NRXN1: variants seen among roughly 807,000 people sequenced by gnomAD.
NRXN1 encodes neurexin-1.
In NRXN1, 39 loss-of-function variants were observed where a neutral mutation model predicts 150.9. The observed-to-expected ratio is 0.26, with a 90% CI of 0.20 to 0.34. The LOEUF (loss-of-function observed/expected upper bound fraction) is 0.34, where lower values mean the gene tolerates loss of function less well. Among genes scored for constraint, NRXN1 ranks in the 10% least tolerant of loss-of-function variants. The probability of loss-of-function intolerance (pLI) is 1.00; values close to 1 mark genes in which losing one functional copy is unlikely to be tolerated. For synonymous variants in NRXN1, 924 were observed against 757.0 expected, an observed-to-expected ratio of 1.22 and a Z score of -3.62; for missense variants, 1,815 against 1,949.9, an observed-to-expected ratio of 0.93 and a Z score of 1.30.
intron 18 of NRXN1, among the ~76,000 whole-genome samples, chr2:50,158,885 C>G (rs2059191589): frequency 6.6e-6 from 1 of 151,982 alleles, no homozygotes; most frequent in African/African-American, 2.4e-5. Flanking sequence ...ATTAGGAGTC[C>G]ATATAGATAG....
At chr2:50,543,002 A>G (rs2093422432) in intron 9 of NRXN1, among the ~76,000 whole-genome samples, 2 of 152,252 alleles carry the variant, frequency 1.3e-5, no homozygotes, top group South Asian at 4.1e-4. Context: ...TAATATTTAA[A>G]CCTGGTTCAT....
chr2:50,840,359 A>C (rs563747707), intron 5 of NRXN1, among the ~76,000 whole-genome samples: 30 of 152,252 alleles, frequency 2.0e-4, no homozygotes, highest in Non-Finnish European at 3.7e-4. Context: ...CAAAAGATAC[A>C]CTTATGATTA....
intron 18 of NRXN1, among the ~76,000 whole-genome samples, chr2:50,125,221 T>G (rs1221742899): frequency 6.6e-6 from 1 of 152,180 alleles, no homozygotes; most frequent in African/African-American, 2.4e-5. Flanking sequence ...GCAGCTACAT[T>G]ACCTATGAAA....
At chr2:50,914,743 A>G (rs554056532) in intron 5 of NRXN1, among the ~76,000 whole-genome samples, 1 of 151,790 alleles carries the variant, frequency 6.6e-6, no homozygotes, top group East Asian at 1.9e-4. Context: ...CCTTGGAGCA[A>G]AAAGGAAAAA....
chr2:50,795,675 C>A (rs997845045), intron 5 of NRXN1, among the ~76,000 whole-genome samples: 3 of 152,028 alleles, frequency 2.0e-5, no homozygotes, highest in Admixed American at 2.0e-4. Context: ...TGATTTACCC[C>A]AGTTGATACA....
At chr2:50,204,366 G>C (rs971511754) in intron 18 of NRXN1, among the ~76,000 whole-genome samples, 8 of 151,592 alleles carry the variant, frequency 5.3e-5, no homozygotes, top group Non-Finnish European at 1.0e-4. Context: ...GTGTGTGTGT[G>C]TGTGTGTATG....
At chr2:50,943,842 T>C (rs1195359472) in intron 2 of NRXN1, among the ~76,000 whole-genome samples, 2 of 152,210 alleles carry the variant, frequency 1.3e-5, no homozygotes, top group East Asian at 1.9e-4. Flanking sequence ...TAGAAAACAG[T>C]AGAGAGAGAA....
At chr2:49,972,504 G>T (rs931191112) in intron 21 of NRXN1, among the ~76,000 whole-genome samples, 1 of 152,188 alleles carries the variant, frequency 6.6e-6, no homozygotes, top group African/African-American at 2.4e-5. Flanking sequence ...CCCTATAGAT[G>T]CTTGAATCAT....
chr2:50,686,835 G>C (rs757801437), intron 5 of NRXN1, among the ~76,000 whole-genome samples: 2 of 152,150 alleles, frequency 1.3e-5, no homozygotes, highest in African/African-American at 4.8e-5. Flanking sequence ...GGCATCTTTT[G>C]TATTATGCAT....
chr2:50,203,167 C>T (rs1563019), intron 18 of NRXN1, among the ~76,000 whole-genome samples: 33,471 of 152,036 alleles, frequency 0.22, 4,352 homozygotes, highest in East Asian at 0.4. Context: ...AGTCATAATT[C>T]AGTTCTTGGG....
At chr2:50,746,539 C>T (rs568340376) in intron 5 of NRXN1, among the ~76,000 whole-genome samples, 58 of 150,380 alleles carry the variant, frequency 3.9e-4, no homozygotes, top group African/African-American at 1.4e-3. Context: ...GCCTGGGCAA[C>T]AGAGCAAGAC....
intron 2 of NRXN1, among the ~76,000 whole-genome samples, chr2:50,940,473 C>CAAAAAAAAAAA (rs748999405): frequency 1.3e-5 from 1 of 75,130 alleles, no homozygotes. Context: ...GACTCCATCT[C>CAAAAAAAAAAA]AAAAAAAAAA....
chr2:50,238,194 C>G (rs561009140), intron 17 of NRXN1, among the ~76,000 whole-genome samples: 19 of 151,970 alleles, frequency 1.3e-4, no homozygotes, highest in Non-Finnish European at 1.6e-4. Context: ...CATTGGCCAC[C>G]CATTTTGGTT....
At chr2:50,448,363 A>G (rs1036308136) in intron 17 of NRXN1, among the ~76,000 whole-genome samples, 1 of 152,180 alleles carries the variant, frequency 6.6e-6, no homozygotes, top group African/African-American at 2.4e-5. Flanking sequence ...ACCTGACTCC[A>G]TTGTATTGTA....
chr2:50,573,872 A>G (rs866801456), intron 8 of NRXN1, among the ~76,000 whole-genome samples: 3 of 152,130 alleles, frequency 2.0e-5, no homozygotes, highest in African/African-American at 7.2e-5. Flanking sequence ...TTTAAAGTAT[A>G]CAAGAGAATG....
chr2:50,200,417 A>G lies in NRXN1; in HGVS notation c.3546+36372T>C, dbSNP rs201921192. On this transcript the variant is annotated intron_variant, in intron 18 of 22. Coordinates refer to ENST00000401669, the MANE Select transcript of NRXN1 (RefSeq NM_001330078.2). The stretch of plus-strand genomic sequence containing the variant: ...AAGACATTAATATTTTATCAGAGAT[A>G]CTAGTCTTGACCTAAAACAGAGAAG... Among the ~76,000 whole-genome samples the G allele has an allele frequency of 2.6e-5, 4 of 152,290 alleles. No individual in the cohort carries two copies. The East Asian group carries it at 7.7e-4, about 29-fold the overall frequency.
Position 51,032,044 on chromosome 2 carries a change from C to G in NRXN1, c.-985G>C, listed in dbSNP as rs2105361287. 6.6e-6 allele frequency: 1 copy of G among 152,346 alleles called. No individual in the cohort carries two copies. The highest frequency in any genetic ancestry group is 6.5e-5 in the Admixed American group (1 of 15,284). The allele number at this position is 152,346 out of a possible 1,614,324, so 9.4% of individuals were successfully genotyped here. On this transcript the variant is annotated 5_prime_UTR_variant, in exon 1 of 23. Coordinates refer to ENST00000401669, the MANE Select transcript of NRXN1 (RefSeq NM_001330078.2). ...AGCATGCATCGGTCAAAGCGAATTT[C>G]CTGAGGTCTATGGATAAGGCGACTG...
chr2:50,217,087 T>C (rs1215220205), intron 18 of NRXN1, among the ~76,000 whole-genome samples: 1 of 152,032 alleles, frequency 6.6e-6, no homozygotes, highest in Non-Finnish European at 1.5e-5. Context: ...TAGTGAAGAT[T>C]AATAAGGTAA....
At chr2:50,402,789 A>G (rs950224171) in intron 17 of NRXN1, among the ~76,000 whole-genome samples, 4 of 152,142 alleles carry the variant, frequency 2.6e-5, no homozygotes, top group African/African-American at 9.7e-5. Flanking sequence ...CTCCAGTGAT[A>G]CGTGATCTGG....
Sources: allele counts gnomAD v4.1 joint callset (sites outside exome capture counted in the v4.1 genomes callset), GRCh38; gene constraint gnomAD v4.1.1; transcripts MANE v1.5; gene names NCBI Gene and HGNC (gene_info 2026-07-23, HGNC 2026-07-21).